Variants in HSF2 observed in about 807,000 individuals in gnomAD.
The protein encoded by HSF2 is heat shock factor protein 2.
In HSF2, 21 loss-of-function variants were observed where a neutral mutation model predicts 65.0. That is an observed-to-expected ratio of 0.32 (90% CI 0.23 to 0.47). The LOEUF (loss-of-function observed/expected upper bound fraction) is 0.47. HSF2 is among the 20% of genes least tolerant of loss of function. HSF2 has a pLI of 1.00. For missense variants in HSF2, 499 were observed against 628.1 expected (o/e 0.79, Z 2.20); for synonymous variants, 225 against 219.1 (o/e 1.03, Z -0.24).
chr6:122,431,445 T>A lies in HSF2; in HGVS notation c.1246T>A (p.Leu416Ile), dbSNP rs775746689. ...INNTKSENKGLETTKNNVVQP... is the reference protein window; with the variant it reads ...INNTKSENKGIETTKNNVVQP... ...TTTCTTTTAGTCTGAGAATAAAGGA[T>A]TAGAAACTACCAAGAACAATGTAGT... Residue 416 changes from leucine to isoleucine, a missense_variant, in exon 12 of 13, where the codon TTA becomes ATA. By Grantham distance (5) the Leu-to-Ile change is conservative. This residue lies in a region of HSF2 where 349 missense variants were observed against 393.5 expected (regional missense o/e 0.89). Coordinates refer to ENST00000368455, the MANE Select transcript of HSF2 (RefSeq NM_004506.4). 3.2e-6 allele frequency: 5 copies of A among 1,557,478 alleles called. No homozygotes were observed. In the East Asian group the frequency reaches 1.1e-4, roughly 36 times the overall value.
At chr6:122,416,191 T>C (rs772033360) in intron 4 of HSF2, 30 bp from the exon 5 acceptor site, 29 of 1,400,810 alleles carry the variant, frequency 2.1e-5, no homozygotes, top group Non-Finnish European at 5.0e-6. Context: ...ATTTTTTTTT[T>C]GTTTTGTTGC....
chr6:122,418,963 T>C lies in HSF2; in HGVS notation c.532-205T>C, dbSNP rs1326206601. 1.3e-5 allele frequency among the ~76,000 whole-genome samples: 2 copies of C among 152,184 alleles called. 1 individual carries two copies. The highest frequency in any genetic ancestry group is 4.1e-4 in the South Asian group (2 of 4,832). ...TATAGCCAGGCAAGTTTGGTACTTA[T>C]CACCAAAACAAATAAACTGCCTGGA... is the stretch of plus-strand genomic sequence containing the variant. On this transcript the variant is annotated intron_variant, in intron 5 of 12. Coordinates refer to ENST00000368455, the MANE Select transcript of HSF2 (RefSeq NM_004506.4).
At chr6:122,416,620 A>G (rs1007011043) in intron 5 of HSF2, among the ~76,000 whole-genome samples, 5 of 152,230 alleles carry the variant, frequency 3.3e-5, no homozygotes. Context: ...TTCTTTTAAA[A>G]TTAGAAAACA....
At chr6:122,409,341 T>A (rs572419770) in intron 1 of HSF2, among the ~76,000 whole-genome samples, 3 of 152,060 alleles carry the variant, frequency 2.0e-5, no homozygotes, top group Admixed American at 2.0e-4. Context: ...GGGCATTGAA[T>A]TTGATATTTG....
At chr6:122,424,248 A>T (rs1774295985) in intron 10 of HSF2, among the ~76,000 whole-genome samples, 1 of 151,900 alleles carries the variant, frequency 6.6e-6, no homozygotes, top group South Asian at 2.1e-4. Context: ...TCTGCCACTA[A>T]CCACCTTTCT....
rs930175067 is a variant in HSF2 at position 122,432,490 on chromosome 6, A to G, written c.*270A>G. 2.0e-5 allele frequency: 7 copies of G among 349,830 alleles called. No individual in the cohort carries two copies. Among genetic ancestry groups the G allele is most frequent in the South Asian group, 9.0e-5 (2 of 22,144 alleles). 21.7% of individuals were successfully genotyped at this position (349,830 alleles called of 1,614,324 possible). Reference sequence around the variant, plus strand: ...GGCCATTTTTCTCCAATTTTGGTAAATTGGATATCTTTTTTTTACAAATAC... The same window carrying G: ...GGCCATTTTTCTCCAATTTTGGTAAGTTGGATATCTTTTTTTTACAAATAC... On this transcript the variant is annotated 3_prime_UTR_variant, in exon 13 of 13. Coordinates refer to ENST00000368455, the MANE Select transcript of HSF2 (RefSeq NM_004506.4).
chr6:122,422,786 A>G lies in HSF2; in HGVS notation c.899A>G (p.Gln300Arg). The G allele has an allele frequency of 1.2e-6, 2 of 1,613,344 alleles. No homozygotes were observed. The highest frequency in any genetic ancestry group is 1.7e-6 in the Non-Finnish European group (2 of 1,179,398). The change falls in exon 9 of 13, where the codon CAG (glutamine) becomes CGG (arginine). Residue 300 changes from glutamine to arginine, a missense_variant. Physicochemically the swap from Gln to Arg is conservative, Grantham distance 43 (BLOSUM62 1). Transcript: ENST00000368455. ...GAAGATGAGTATGCACCTGTCATTC[A>G]GAGTGGAGAGCAGAATGAACCAGCC... ...DNEDEYAPVI[Q>R]SGEQNEPARE...
rs1774508223 is a variant in HSF2, at chr6:122,432,916, T to G, written c.*696T>G. 3 of 152,210 alleles carry G rather than the reference T, an allele frequency of 2.0e-5. 1 individual carries two copies. In the South Asian group the frequency reaches 6.2e-4, roughly 32 times the overall value. 9.4% of individuals were successfully genotyped at this position (152,210 alleles called of 1,614,324 possible). A position where few individuals can be genotyped will look rare whatever the true frequency, so the allele number is the denominator to read the frequency against. On this transcript the variant is annotated 3_prime_UTR_variant, in exon 13 of 13. Transcript: ENST00000368455. ...TAAAGGTTTTCCGGTTTGTGTTTTT[T>G]TGAACCATACTGTTTAGTAAAATAA...
At chr6:122,407,851 A>C (rs1221936540) in intron 1 of HSF2, among the ~76,000 whole-genome samples, 1 of 152,094 alleles carries the variant, frequency 6.6e-6, no homozygotes, top group African/African-American at 2.4e-5. Context: ...TATTTTTTAC[A>C]GTTCTGGAGG....
At chr6:122,410,170 A>G (rs1293530417) in intron 1 of HSF2, among the ~76,000 whole-genome samples, 1 of 151,916 alleles carries the variant, frequency 6.6e-6, no homozygotes, top group Non-Finnish European at 1.5e-5. Context: ...TGTACCTAAC[A>G]TTTGGTTATG....
chr6:122,405,756 G>A (rs1157569414), intron 1 of HSF2, among the ~76,000 whole-genome samples: 1 of 152,144 alleles, frequency 6.6e-6, no homozygotes. Flanking sequence ...TTTACATATT[G>A]TCTGTATCTG....
At chr6:122,401,908 A>G (rs1056634176) in intron 1 of HSF2, among the ~76,000 whole-genome samples, 1 of 152,204 alleles carries the variant, frequency 6.6e-6, no homozygotes, top group East Asian at 1.9e-4. Context: ...ATCCATAATT[A>G]TACAGCTCGC....
chr6:122,404,015 C>T (rs949854151), intron 1 of HSF2, among the ~76,000 whole-genome samples: 3 of 152,150 alleles, frequency 2.0e-5, no homozygotes, highest in African/African-American at 7.2e-5. Flanking sequence ...GAAGGTCATC[C>T]TTTTGTCAGT....
upstream of HSF2, chr6:122,399,616 G>A (rs1773663237): frequency 1.3e-6 from 1 of 757,514 alleles, no homozygotes; most frequent in Non-Finnish European, 2.1e-6. Context: ...GGTTGGGGGG[G>A]CGGGGACCAA....
At chr6:122,407,526 C>T (rs1340840148) in intron 1 of HSF2, among the ~76,000 whole-genome samples, 1 of 151,632 alleles carries the variant, frequency 6.6e-6, no homozygotes, top group Non-Finnish European at 1.5e-5. Context: ...AGTTCTAAAA[C>T]CTTTTCACGT....
chr6:122,401,470 T>C (rs987091172), intron 1 of HSF2, among the ~76,000 whole-genome samples: 4 of 152,234 alleles, frequency 2.6e-5, no homozygotes, highest in African/African-American at 9.6e-5. Context: ...CAGAGTATCA[T>C]GTCAGTGGTA....
Position 122,432,301 on chromosome 6 carries a change from T to C in HSF2, c.*81T>C, listed in dbSNP as rs1441851908. 9.0e-6 allele frequency: 11 copies of C among 1,219,886 alleles called. No homozygotes were observed. The highest frequency in any genetic ancestry group is 1.3e-5 in the Non-Finnish European group (11 of 866,726). 75.6% of individuals were successfully genotyped at this position (1,219,886 alleles called of 1,614,324 possible). A position where few individuals can be genotyped will look rare whatever the true frequency, so the allele number is the denominator to read the frequency against. On this transcript the variant is annotated 3_prime_UTR_variant, in exon 13 of 13. Transcript: ENST00000368455. ...TTTTAAAGTATCATTTGGTACTTTT[T>C]TTGTAAATTGCTTTGTTTTGTTTAA...
intron 3 of HSF2, 124 bp from the exon 4 acceptor site, chr6:122,413,401 G>T: frequency 1.5e-6 from 1 of 650,056 alleles, no homozygotes; most frequent in Non-Finnish European, 2.6e-6. Context: ...ATTTCATCCC[G>T]GGCTTTTGGA....
intron 1 of HSF2, 98 bp from the exon 2 acceptor site, chr6:122,412,275 C>T: frequency 1.4e-6 from 1 of 725,312 alleles, no homozygotes. Context: ...CAAGGAGGGA[C>T]TGGACTACTC....
Sources: gnomAD v4.1 joint callset for allele counts (sites outside exome capture counted in the v4.1 genomes callset) on GRCh38, gnomAD v4.1.1 for gene constraint, gnomAD v4.1.1 regional missense constraint, MANE v1.5 for transcripts, NCBI Gene and HGNC (gene_info 2026-07-23, HGNC 2026-07-21) for gene names.